Variants in ROBO2 observed in about 807,000 individuals in gnomAD.
ROBO2 encodes the protein roundabout guidance receptor 2.
ROBO2 carries 53 observed loss-of-function variants against 160.8 expected under a neutral mutation model. The observed-to-expected ratio is 0.33, with a 90% CI of 0.26 to 0.41. ROBO2 has a LOEUF of 0.41. Ranked by LOEUF, ROBO2 falls within the 10% of genes least tolerant of loss-of-function variation. The probability of loss-of-function intolerance (pLI) is 1.00; values close to 1 mark genes in which losing one functional copy is unlikely to be tolerated. For synonymous variants in ROBO2, 664 were observed against 611.7 expected, an observed-to-expected ratio of 1.09 and a Z score of -1.26; for missense variants, 1,577 against 1,722.4, an observed-to-expected ratio of 0.92 and a Z score of 1.49.
intron 16 of ROBO2, among the ~76,000 whole-genome samples, 177 bp from the exon 18 acceptor site, chr3:77,588,574 G>A (rs1301595836): frequency 4.6e-5 from 7 of 152,020 alleles, no homozygotes; most frequent in African/African-American, 1.4e-4. Context: ...GCAAACTCAC[G>A]ATTTGATTAT....
chr3:76,113,711 A>G (rs2070342031), intron 2 of ROBO2, among the ~76,000 whole-genome samples: 2 of 152,146 alleles, frequency 1.3e-5, no homozygotes, highest in South Asian at 2.1e-4. Flanking sequence ...TAAGGCCAGA[A>G]CCCTCATAAT....
intron 2 of ROBO2, among the ~76,000 whole-genome samples, chr3:76,085,730 G>A (rs2068990967): frequency 6.6e-6 from 1 of 152,152 alleles, no homozygotes; most frequent in Non-Finnish European, 1.5e-5. Flanking sequence ...GTGGGAACCA[G>A]TGCCACACTA....
intron 5 of ROBO2, among the ~76,000 whole-genome samples, chr3:77,496,497 A>T (rs930458510): frequency 3.3e-5 from 5 of 152,184 alleles, no homozygotes; most frequent in African/African-American, 1.2e-4. Flanking sequence ...GACTAAATCA[A>T]CAACATTGAT....
intron 2 of ROBO2, among the ~76,000 whole-genome samples, chr3:77,122,672 A>T (rs2074894776): frequency 6.6e-6 from 1 of 152,228 alleles, no homozygotes; most frequent in South Asian, 2.1e-4. Context: ...GGATGACAAC[A>T]TAAAAAATGA....
chr3:77,432,511 G>T (rs1229948120), intron 2 of ROBO2, among the ~76,000 whole-genome samples: 5 of 152,168 alleles, frequency 3.3e-5, no homozygotes, highest in Admixed American at 6.5e-5. Flanking sequence ...AGACCAGGGT[G>T]TGGGGAAGCT....
intron 2 of ROBO2, among the ~76,000 whole-genome samples, chr3:76,441,395 C>T (rs972949688): frequency 1.3e-5 from 2 of 152,116 alleles, no homozygotes; most frequent in Non-Finnish European, 2.9e-5. Flanking sequence ...TAATTCAAAG[C>T]TTGTATAAAG....
chr3:76,327,479 G>A (rs1456757686), intron 2 of ROBO2, among the ~76,000 whole-genome samples: 1 of 151,958 alleles, frequency 6.6e-6, no homozygotes, highest in Non-Finnish European at 1.5e-5. Flanking sequence ...TAGAATTTTG[G>A]CCAGCAGTGT....
At chr3:76,836,155 AT>A (rs1172901386) in intron 2 of ROBO2, among the ~76,000 whole-genome samples, 1 of 152,100 alleles carries the variant, frequency 6.6e-6, no homozygotes, top group South Asian at 2.1e-4. Flanking sequence ...GCTGTTATTA[AT>A]ATATTATTTT....
At chr3:76,475,907 C>A (rs2078908482) in intron 2 of ROBO2, among the ~76,000 whole-genome samples, 1 of 152,140 alleles carries the variant, frequency 6.6e-6, no homozygotes, top group African/African-American at 2.4e-5. Context: ...AATCCCAACA[C>A]TTTGAGAGGC....
chr3:76,102,288 T>C (rs1166186383), intron 2 of ROBO2, among the ~76,000 whole-genome samples: 1 of 152,220 alleles, frequency 6.6e-6, no homozygotes, highest in African/African-American at 2.4e-5. Flanking sequence ...TTTTGAAGGA[T>C]AACATTTGGA....
At chr3:77,603,153 C>T in intron 20 of ROBO2, 1 of 438,574 alleles carries the variant, frequency 2.3e-6, no homozygotes. Context: ...AATCACAGCT[C>T]ACTGTCAGGC....
At chr3:76,773,978 A>AT (rs993041465) in intron 2 of ROBO2, among the ~76,000 whole-genome samples, 7 of 150,892 alleles carry the variant, frequency 4.6e-5, no homozygotes, top group East Asian at 2.0e-4. Flanking sequence ...ACAAATATTG[A>AT]TTTTTTCCCT....
At chr3:76,455,807 A>C (rs994787158) in intron 2 of ROBO2, among the ~76,000 whole-genome samples, 1 of 152,182 alleles carries the variant, frequency 6.6e-6, no homozygotes, top group African/African-American at 2.4e-5. Flanking sequence ...ACGTTGACTC[A>C]TCAATTCATT....
intron 2 of ROBO2, among the ~76,000 whole-genome samples, chr3:76,809,191 T>C (rs760624820): frequency 1.3e-5 from 2 of 152,170 alleles, no homozygotes. Context: ...GGCCTTCTGC[T>C]CAGGATTTCA....
intron 2 of ROBO2, among the ~76,000 whole-genome samples, chr3:77,442,020 A>G (rs2079970767): frequency 6.6e-6 from 1 of 152,188 alleles, no homozygotes; most frequent in Non-Finnish European, 1.5e-5. Context: ...GAACAATAAT[A>G]TCAGATTTAC....
At chr3:77,364,960 C>T (rs909811500) in intron 2 of ROBO2, among the ~76,000 whole-genome samples, 8 of 151,938 alleles carry the variant, frequency 5.3e-5, no homozygotes, top group Admixed American at 2.0e-4. Flanking sequence ...GCCTGGCCAA[C>T]ATGGTGAAAA....
intron 2 of ROBO2, among the ~76,000 whole-genome samples, chr3:76,675,424 CA>C (rs1259089135): frequency 8.4e-6 from 1 of 119,130 alleles, no homozygotes; most frequent in East Asian, 2.2e-4. Flanking sequence ...ATTTTCTCCC[CA>C]GGGGGGAAAA....
At chr3:77,372,061 T>G (rs2071835543) in intron 2 of ROBO2, among the ~76,000 whole-genome samples, 1 of 152,102 alleles carries the variant, frequency 6.6e-6, no homozygotes, top group Non-Finnish European at 1.5e-5. Context: ...TTCTGTATTG[T>G]CCTGTGAATA....
intron 2 of ROBO2, among the ~76,000 whole-genome samples, chr3:77,336,264 G>A (rs1419268691): frequency 1.3e-5 from 2 of 152,152 alleles, no homozygotes; most frequent in African/African-American, 2.4e-5. Flanking sequence ...CATGGAAGGT[G>A]AGACTGAATA....
Sources: allele counts gnomAD v4.1 joint callset (sites outside exome capture counted in the v4.1 genomes callset), GRCh38; gene constraint gnomAD v4.1.1; transcripts MANE v1.5; gene names NCBI Gene and HGNC (gene_info 2026-07-23, HGNC 2026-07-21).